Variants in ZNF677 observed in about 807,000 individuals in gnomAD.
The protein encoded by ZNF677 is hypothetical protein MGC48625.
In ZNF677, 5 loss-of-function variants were observed where a neutral mutation model predicts 8.1. The ratio of observed to expected loss-of-function variants is 0.62; its 90% CI spans 0.32 to 1.29. The LOEUF is 1.29. Ranked by LOEUF, ZNF677 falls within the 50% of genes most tolerant of loss-of-function variation. The probability of loss-of-function intolerance (pLI) is 0.05; values close to 1 mark genes in which losing one functional copy is unlikely to be tolerated. For missense variants in ZNF677, 685 were observed against 685.9 expected (o/e 1.00, Z 0.01); for synonymous variants, 221 against 225.6 (o/e 0.98, Z 0.18).
At chr19:53,249,653 G>A (rs2091202425) in intron 3 of ZNF677, among the ~76,000 whole-genome samples, 1 of 152,104 alleles carries the variant, frequency 6.6e-6, no homozygotes, top group African/African-American at 2.4e-5. Flanking sequence ...GGGTGATGGT[G>A]GACTGGACAA....
At chr19:53,254,244 A>G (rs57426387) in intron 1 of ZNF677, among the ~76,000 whole-genome samples, 14,793 of 150,202 alleles carry the variant, frequency 0.098, 1,011 homozygotes, top group East Asian at 0.25. Context: ...CCCCCTCTCT[A>G]TAAATGTTTC....
At chr19:53,244,348 G>A (rs917791659) in intron 3 of ZNF677, among the ~76,000 whole-genome samples, 1 of 152,194 alleles carries the variant, frequency 6.6e-6, no homozygotes, top group Non-Finnish European at 1.5e-5. Context: ...GGGAGACAGA[G>A]CAAGACTTCA....
At chr19:53,243,675 C>A (rs183684284) in intron 4 of ZNF677, 69 bp downstream of exon 4, 1 of 1,600,456 alleles carries the variant, frequency 6.2e-7, no homozygotes, top group Admixed American at 1.7e-5. Context: ...GGATCGGATT[C>A]AGACAAGCAC....
intron 4 of ZNF677, chr19:53,243,462 G>A: frequency 2.1e-6 from 1 of 473,410 alleles, no homozygotes; most frequent in South Asian, 4.3e-5. Context: ...CTGAATCAAA[G>A]GCACAGGGAT....
Position 53,243,843 on chromosome 19 carries a change from A to T in ZNF677, c.70T>A (p.Cys24Ser). Residue 24 changes from cysteine (C) to serine (S), a missense_variant, in exon 4 of 5, where the codon TGC becomes AGC. Coordinates refer to ENST00000598513, the MANE Select transcript of ZNF677 (RefSeq NM_182609.4). ...AIEFSQEEWE[C>S]LDPAQRALYR... Reference sequence around the variant, plus strand: ...AAGGCCCTCTGGGCAGGGTCCAGGCACTCCCACTCCTCTTGAGAGAATTCT... The same window carrying T: ...AAGGCCCTCTGGGCAGGGTCCAGGCTCTCCCACTCCTCTTGAGAGAATTCT... 2 of 1,613,152 alleles carry T rather than the reference A, an allele frequency of 1.2e-6. No homozygotes were observed. The highest frequency in any genetic ancestry group is 1.7e-6 in the Non-Finnish European group (2 of 1,179,738).
chr19:53,241,102 A>AT (rs1191536237), intron 4 of ZNF677: 1 of 152,192 alleles, frequency 6.6e-6, no homozygotes, highest in Non-Finnish European at 1.5e-5. Flanking sequence ...GAGGTTATAT[A>AT]TGTTTTGAGG....
At chr19:53,242,660 G>A (rs2091071804) in intron 4 of ZNF677, 1 of 369,812 alleles carries the variant, frequency 2.7e-6, no homozygotes, top group African/African-American at 2.1e-5. Flanking sequence ...ACATTTTGGG[G>A]GAGCCACTGT....
intron 3 of ZNF677, among the ~76,000 whole-genome samples, chr19:53,250,301 TC>T (rs2091214382): frequency 6.6e-6 from 1 of 152,184 alleles, no homozygotes; most frequent in Non-Finnish European, 1.5e-5. Context: ...GTGTGGTGAT[TC>T]CTCAAAGATC....
chr19:53,236,962 G>A lies in ZNF677; in HGVS notation c.*10C>T, dbSNP rs766151521. ...TTATATGGTTTCTTTTCACAATGGAGCCCCTGATGCTAGGTACAGCTTGAA... is the reference window on the plus strand; with the variant it reads ...TTATATGGTTTCTTTTCACAATGGAACCCCTGATGCTAGGTACAGCTTGAA... On this transcript the variant is annotated 3_prime_UTR_variant, in exon 5 of 5. Transcript: ENST00000598513. 1 of 1,525,806 alleles carries A rather than the reference G, an allele frequency of 6.6e-7. No individual in the cohort carries two copies. The highest frequency in any genetic ancestry group is 8.7e-7 in the Non-Finnish European group (1 of 1,144,134). 94.5% of individuals were successfully genotyped at this position (1,525,806 alleles called of 1,614,324 possible).
intron 4 of ZNF677, chr19:53,239,582 G>A (rs1203735999): frequency 1.3e-5 from 2 of 151,456 alleles, no homozygotes; most frequent in African/African-American, 4.9e-5. Context: ...TTATTATGTA[G>A]AGTCAGAGAA....
chr19:53,237,710 C>T lies in ZNF677; in HGVS notation c.1017G>A (p.Arg339=), dbSNP rs770210243. 1 of 1,613,598 alleles carries T rather than the reference C, an allele frequency of 6.2e-7. No homozygotes were observed. Among genetic ancestry groups the T allele is most frequent in the Non-Finnish European group, 8.5e-7 (1 of 1,179,800 alleles). The change falls in exon 5 of 5, where the codon AGG becomes AGA. Residue 339 remains arginine, a synonymous_variant. Transcript: ENST00000598513. ...SQNSNLASHQ[R]MHTGEKPYKC... ...TGTAAGGTTTCTCTCCAGTATGCAT[C>T]CTCTGATGACTTGCAAGATTTGAAT...
chr19:53,243,838 C>A lies in ZNF677; in HGVS notation c.75G>T (p.Leu25=). The A allele has an allele frequency of 6.2e-7, 1 of 1,613,860 alleles. No individual in the cohort carries two copies. The highest frequency in any genetic ancestry group is 8.5e-7 in the Non-Finnish European group (1 of 1,179,936). The change falls in exon 4 of 5, where the codon CTG becomes CTT. Residue 25 remains leucine (L), a synonymous_variant. Coordinates refer to ENST00000598513, the MANE Select transcript of ZNF677 (RefSeq NM_182609.4). ...TGTACAAGGCCCTCTGGGCAGGGTC[C>A]AGGCACTCCCACTCCTCTTGAGAGA... ...IEFSQEEWEC[L]DPAQRALYRD...
intron 1 of ZNF677, among the ~76,000 whole-genome samples, chr19:53,254,191 A>G (rs2091278835): frequency 6.6e-6 from 1 of 152,148 alleles, no homozygotes; most frequent in Non-Finnish European, 1.5e-5. Context: ...ACTCACATGG[A>G]TTTGGGTGCC....
At chr19:53,252,174 T>G (rs2091245728) in intron 2 of ZNF677, among the ~76,000 whole-genome samples, 2 of 152,188 alleles carry the variant, frequency 1.3e-5, no homozygotes, top group South Asian at 4.1e-4. Flanking sequence ...CCCCGACCCC[T>G]TTCCTAGTAG....
chr19:53,245,920 G>T (rs992187897), intron 3 of ZNF677, among the ~76,000 whole-genome samples: 3 of 152,242 alleles, frequency 2.0e-5, no homozygotes, highest in South Asian at 2.1e-4. Context: ...GCTGAGACAG[G>T]GGAATTGTTT....
Position 53,237,480 on chromosome 19 carries a change from G to C in ZNF677, c.1247C>G (p.Ser416Ter). The C allele has an allele frequency of 1.9e-6, 3 of 1,613,750 alleles. No homozygotes were observed. Among genetic ancestry groups the C allele is most frequent in the Non-Finnish European group, 2.5e-6 (3 of 1,179,870 alleles). ...NECGKAFKQC[S>*]HLTRHQNIHP... Reference sequence around the variant, plus strand: ...TATATTCTGATGCCTAGTGAGATGTGAGCACTGCTTAAAAGCTTTGCCACA... The same window carrying C: ...TATATTCTGATGCCTAGTGAGATGTCAGCACTGCTTAAAAGCTTTGCCACA... Residue 416 changes from serine to a stop codon, truncating the protein, a stop_gained, in exon 5 of 5, where the codon TCA becomes TGA. Coordinates refer to ENST00000598513, the MANE Select transcript of ZNF677 (RefSeq NM_182609.4). LOFTEE classifies it low-confidence loss of function (END_TRUNC).
intron 3 of ZNF677, chr19:53,248,993 G>C (rs935665597): frequency 1.3e-5 from 2 of 151,888 alleles, no homozygotes; most frequent in Non-Finnish European, 2.9e-5. Context: ...CCTTTCTTCT[G>C]CTCAGATTAA....
Position 53,237,856 on chromosome 19 carries a change from A to G in ZNF677, c.871T>C (p.Tyr291His), listed in dbSNP as rs746551216. The change falls in exon 5 of 5, where the codon TAC (tyrosine) becomes CAC (histidine). Residue 291 changes from tyrosine to histidine, a missense_variant. Physicochemically the swap from Tyr to His is moderately conservative, Grantham distance 83. Coordinates refer to ENST00000598513, the MANE Select transcript of ZNF677 (RefSeq NM_182609.4). ...GCTTTGCCACACTCGTTACATTTGT[A>G]AGGTCTCTGTCCAGAGTGAATTCTC... is the stretch of plus-strand genomic sequence containing the variant. ...HQRIHSGQRP[Y>H]KCNECGKAFN... 4.3e-6 allele frequency: 7 copies of G among 1,613,752 alleles called. No individual in the cohort carries two copies. The highest frequency in any genetic ancestry group is 8.5e-7 in the Non-Finnish European group (1 of 1,179,956).
At position 53,237,055 on chromosome 19, in the gene ZNF677, G is replaced by C. The variant is rs766350749; in HGVS notation, c.1672C>G (p.Leu558Val). 3.2e-5 allele frequency: 52 copies of C among 1,610,312 alleles called. No individual in the cohort carries two copies. The highest frequency in any genetic ancestry group is 4.2e-5 in the Non-Finnish European group (50 of 1,178,820). ...TTATAACTTTTTTGATGATCTCCAA[G>C]GTTTGAACTTTGGAATAAAGCATTA... ...HGNALFQSSN[L>V]GDHQKSYNRE... Residue 558 changes from leucine (L) to valine (V), a missense_variant, in exon 5 of 5, where the codon CTT (leucine) becomes GTT (valine). Coordinates refer to ENST00000598513, the MANE Select transcript of ZNF677 (RefSeq NM_182609.4).
Sources: gnomAD v4.1 joint callset for allele counts (sites outside exome capture counted in the v4.1 genomes callset) on GRCh38, gnomAD v4.1.1 for gene constraint, MANE v1.5 for transcripts, NCBI Gene and HGNC (gene_info 2026-07-23, HGNC 2026-07-21) for gene names.